The following DOCK1 variants were observed in gnomAD, a reference collection of about 807,000 sequenced individuals.
The protein encoded by DOCK1 is dedicator of cytokinesis 1, also known as dedicator of cytokinesis protein 1.
DOCK1 carries 138 observed loss-of-function variants against 262.7 expected under a neutral mutation model. The ratio of observed to expected loss-of-function variants is 0.53; its 90% CI spans 0.46 to 0.61. The LOEUF is 0.61. DOCK1 is among the 20% of genes least tolerant of loss of function. The probability of loss-of-function intolerance (pLI) is 0.00; values close to 1 mark genes in which losing one functional copy is unlikely to be tolerated. For missense variants in DOCK1, 1,908 were observed against 2,370.7 expected (o/e 0.80, Z 4.05); for synonymous variants, 866 against 867.4 (o/e 1.00, Z 0.03).
chr10:127,030,858 T>C, intron 16 of DOCK1, among the ~76,000 whole-genome samples: 1 of 151,300 alleles, frequency 6.6e-6, no homozygotes, highest in Non-Finnish European at 1.5e-5. Flanking sequence ...CACACACACA[T>C]AAACACAACA....
intron 27 of DOCK1, among the ~76,000 whole-genome samples, chr10:127,210,347 C>A (rs1589957949): frequency 6.6e-6 from 1 of 152,164 alleles, no homozygotes; most frequent in Admixed American, 6.5e-5. Context: ...CTGTGGAGAG[C>A]CACGAAGGTG....
chr10:126,953,808 G>A (rs1209936982), intron 1 of DOCK1, among the ~76,000 whole-genome samples: 1 of 152,136 alleles, frequency 6.6e-6, no homozygotes, highest in Non-Finnish European at 1.5e-5. Flanking sequence ...CATGTTACAG[G>A]TGAGTCAGGT....
intron 1 of DOCK1, among the ~76,000 whole-genome samples, chr10:126,916,345 T>G (rs530415425): frequency 6.6e-6 from 1 of 152,356 alleles, no homozygotes; most frequent in East Asian, 1.9e-4. Context: ...TTCTGGTGAT[T>G]GTTTTAAATT....
At chr10:127,341,231 A>G (rs988547535) in intron 30 of DOCK1, among the ~76,000 whole-genome samples, 4 of 152,218 alleles carry the variant, frequency 2.6e-5, no homozygotes, top group South Asian at 2.1e-4. Flanking sequence ...AAATGCTACA[A>G]TTAACATAAT....
intron 51 of DOCK1, among the ~76,000 whole-genome samples, chr10:127,449,396 C>G (rs538793875): frequency 0.012 from 1,241 of 101,372 alleles, 22 homozygotes; most frequent in African/African-American, 0.041. Flanking sequence ...ACAGCCAATT[C>G]CTCTTCTTGT....
At chr10:127,278,971 TC>T (rs2060845374) in intron 29 of DOCK1, among the ~76,000 whole-genome samples, 1 of 152,188 alleles carries the variant, frequency 6.6e-6, no homozygotes, top group South Asian at 2.1e-4. Flanking sequence ...GCCTACCATG[TC>T]CCCATGAGAG....
At chr10:127,376,996 T>A (rs1285743383) in intron 35 of DOCK1, among the ~76,000 whole-genome samples, 1 of 152,226 alleles carries the variant, frequency 6.6e-6, no homozygotes, top group Non-Finnish European at 1.5e-5. Context: ...ACTTTTACTG[T>A]GGTCAGCACT....
intron 27 of DOCK1, among the ~76,000 whole-genome samples, chr10:127,203,716 G>A (rs1050611784): frequency 2.0e-5 from 3 of 150,846 alleles, no homozygotes; most frequent in Non-Finnish European, 4.4e-5. Flanking sequence ...TGCACTGCAC[G>A]GTAGGGCTGC....
intron 36 of DOCK1, 38 bp downstream of exon 36, chr10:127,380,160 A>C (rs2065746835): frequency 1.5e-6 from 2 of 1,368,792 alleles, no homozygotes; most frequent in African/African-American, 1.5e-5. Context: ...GTTAATTATA[A>C]ATAATAATAT....
chr10:127,415,325 G>T, intron 44 of DOCK1, 87 bp downstream of exon 44: 2 of 1,327,018 alleles, frequency 1.5e-6, no homozygotes, highest in Middle Eastern at 1.8e-4. Context: ...CATGCCCCGT[G>T]GTCACTGTGG....
chr10:127,039,487 C>T (rs1252355395), intron 19 of DOCK1, among the ~76,000 whole-genome samples: 1 of 152,192 alleles, frequency 6.6e-6, no homozygotes, highest in Admixed American at 6.5e-5. Context: ...TTTGATTATT[C>T]ATCCCTAGAC....
intron 48 of DOCK1, among the ~76,000 whole-genome samples, chr10:127,435,128 A>G (rs1482325328): frequency 6.6e-6 from 1 of 152,188 alleles, no homozygotes; most frequent in Admixed American, 6.5e-5. Flanking sequence ...GAACTGCAAC[A>G]TTGGTATTTT....
intron 29 of DOCK1, chr10:127,257,838 A>G (rs974247446): frequency 1.3e-5 from 2 of 156,148 alleles, no homozygotes; most frequent in African/African-American, 4.8e-5. Flanking sequence ...TTTTTTAATC[A>G]TGAGCATTTT....
At chr10:127,271,342 T>C (rs189761693) in intron 29 of DOCK1, among the ~76,000 whole-genome samples, 55 of 152,294 alleles carry the variant, frequency 3.6e-4, no homozygotes, top group African/African-American at 1.3e-3. Flanking sequence ...TTTGTCAAGC[T>C]CCTGCTATTT....
At position 127,257,404 on chromosome 10, in the gene DOCK1, G is replaced by A. The variant is rs750218824; in HGVS notation, c.3019G>A (p.Val1007Met). 6.2e-7 allele frequency: 1 copy of A among 1,606,878 alleles called. No homozygotes were observed. The highest frequency in any genetic ancestry group is 2.2e-5 in the East Asian group (1 of 44,774). The change falls in exon 29 of 52, where the codon GTG (valine) becomes ATG (methionine). Residue 1007 changes from valine (V) to methionine (M), a missense_variant. Coordinates refer to ENST00000623213, the MANE Select transcript of DOCK1 (RefSeq NM_001290223.2). ...IGKNVYPFDW[V>M]IMNMVQNKVF... is the part of the protein sequence containing the mutation. The stretch of plus-strand genomic sequence containing the variant: ...AAAGAACGTTTACCCCTTCGACTGG[G>A]TGATCATGAACATGGTGCAAAATAA...
At chr10:127,037,516 C>T (rs915549528) in intron 18 of DOCK1, among the ~76,000 whole-genome samples, 1 of 152,082 alleles carries the variant, frequency 6.6e-6, no homozygotes, top group African/African-American at 2.4e-5. Flanking sequence ...TGGTAAATGT[C>T]GTTGGGAATA....
intron 25 of DOCK1, among the ~76,000 whole-genome samples, chr10:127,123,729 G>A (rs1017512402): frequency 2.6e-5 from 4 of 151,998 alleles, no homozygotes; most frequent in African/African-American, 7.2e-5. Flanking sequence ...CTTTGTTCTC[G>A]GGTGGCTCTA....
chr10:127,351,805 G>A (rs986648122), intron 31 of DOCK1, among the ~76,000 whole-genome samples: 2 of 152,076 alleles, frequency 1.3e-5, no homozygotes, highest in Admixed American at 1.3e-4. Context: ...ATTACTCTGG[G>A]GCATGTATAG....
intron 35 of DOCK1, among the ~76,000 whole-genome samples, chr10:127,377,233 A>G (rs1409064966): frequency 6.6e-6 from 1 of 152,228 alleles, no homozygotes; most frequent in East Asian, 1.9e-4. Flanking sequence ...AAAGATAGGT[A>G]GATAGGTGTC....
Sources: allele counts gnomAD v4.1 joint callset (sites outside exome capture counted in the v4.1 genomes callset), GRCh38; gene constraint gnomAD v4.1.1; transcripts MANE v1.5; gene names NCBI Gene and HGNC (gene_info 2026-07-23, HGNC 2026-07-21).